The following HEATR4 variants were observed in gnomAD, a reference collection of about 807,000 sequenced individuals.
HEATR4 encodes HEAT repeat containing 4.
A neutral mutation model predicts 108.8 loss-of-function variants in HEATR4; 95 were observed. The ratio of observed to expected loss-of-function variants is 0.87; its 90% CI spans 0.74 to 1.04. The LOEUF (loss-of-function observed/expected upper bound fraction) is 1.04. Among genes scored for constraint, HEATR4 ranks in the 50% least tolerant of loss-of-function variants. The pLI is 0.00. For missense variants in HEATR4, 1,152 were observed against 1,253.8 expected (o/e 0.92, Z 1.23); for synonymous variants, 443 against 459.4 (o/e 0.96, Z 0.46).
At chr14:73,484,623 T>G (rs142007823) in intron 17 of HEATR4, among the ~76,000 whole-genome samples, 7,756 of 151,206 alleles carry the variant, frequency 0.051, 679 homozygotes, top group African/African-American at 0.18. Context: ...CAAGTGATCC[T>G]CCCGCCTCAG....
the HEATR4 span, among the ~76,000 whole-genome samples, chr14:73,625,447 C>T: frequency 1.4e-4 from 22 of 152,178 alleles, no homozygotes; most frequent in Admixed American, 8.5e-4. Context: ...CAGCAACCTC[C>T]GCCTCCCAGG....
chr14:73,628,519 C>T, the HEATR4 span, among the ~76,000 whole-genome samples: 2,243 of 152,042 alleles, frequency 0.015, 57 homozygotes, highest in African/African-American at 0.051. Context: ...TTTGGGAGGC[C>T]GAGGCGGGCG....
chr14:73,551,649 A>T (rs1889324823), intron 1 of HEATR4, among the ~76,000 whole-genome samples: 1 of 111,900 alleles, frequency 8.9e-6, no homozygotes, highest in African/African-American at 2.9e-5. Flanking sequence ...CTCTACTAAA[A>T]ATACACAAAT....
the HEATR4 span, chr14:73,569,121 G>C: frequency 8.3e-7 from 1 of 1,207,884 alleles, no homozygotes; most frequent in Non-Finnish European, 1.2e-6. Context: ...GAGACTTTAA[G>C]CAAGTTCCAG....
intron 2 of HEATR4, among the ~76,000 whole-genome samples, chr14:73,524,310 A>AAAAAAATATAT: frequency 5.3e-4 from 29 of 54,772 alleles, no homozygotes; most frequent in Non-Finnish European, 6.2e-4. Flanking sequence ...AAAAAAAAAA[A>AAAAAAATATAT]ATATATATAT....
the HEATR4 span, among the ~76,000 whole-genome samples, chr14:73,573,099 G>A: frequency 6.6e-6 from 1 of 151,804 alleles, no homozygotes; most frequent in South Asian, 2.1e-4. Context: ...AGGAATTTGT[G>A]CTCTTCTATG....
the HEATR4 span, among the ~76,000 whole-genome samples, chr14:73,589,882 C>A: frequency 6.6e-6 from 1 of 152,096 alleles, no homozygotes; most frequent in South Asian, 2.1e-4. Context: ...AGTGAAGCTG[C>A]AAACCTTTGC....
Position 73,494,257 on chromosome 14 carries a change from G to T in HEATR4, c.2785+971C>A, listed in dbSNP as rs554079885. On this transcript the variant is annotated intron_variant, in intron 16 of 17. Coordinates refer to ENST00000553558, the MANE Select transcript of HEATR4 (RefSeq NM_001220484.1). Reference sequence around the variant, plus strand: ...CTGGACTTGGAACCAGAAGACCTGGGTTTGGGGTGGTAGCTGGTAGGCAGC... The same window carrying T: ...CTGGACTTGGAACCAGAAGACCTGGTTTTGGGGTGGTAGCTGGTAGGCAGC... 3.9e-5 allele frequency among the ~76,000 whole-genome samples: 6 copies of T among 152,324 alleles called. No homozygotes were observed. The South Asian group carries it at 1.2e-3, about 32-fold the overall frequency.
rs1404295816 is a variant in HEATR4, at chr14:73,550,153, G to C, written c.-152+8598C>G. On this transcript the variant is annotated intron_variant, in intron 1 of 17. Coordinates refer to ENST00000553558, the MANE Select transcript of HEATR4 (RefSeq NM_001220484.1). ...CTTCACTGCTCATAGATAACAACTG[G>C]AACATTATAAAACATTAACTTTTCC... is the stretch of plus-strand genomic sequence containing the variant. Among the ~76,000 whole-genome samples the C allele has an allele frequency of 1.8e-5, 2 of 113,178 alleles. 1 individual carries two copies. Among genetic ancestry groups the C allele is most frequent in the African/African-American group, 5.9e-5 (2 of 34,172 alleles). 74.2% of individuals were successfully genotyped at this position (113,178 alleles called of 152,430 possible). A position where few individuals can be genotyped will look rare whatever the true frequency, so the allele number is the denominator to read the frequency against.
the HEATR4 span, among the ~76,000 whole-genome samples, chr14:73,576,115 G>A: frequency 6.6e-6 from 1 of 151,870 alleles, no homozygotes; most frequent in Non-Finnish European, 1.5e-5. Flanking sequence ...GTTGCAGTGA[G>A]AAAAGATTGT....
At chr14:73,612,391 C>CTGG in the HEATR4 span, 1 of 428,678 alleles carries the variant, frequency 2.3e-6, no homozygotes, top group Non-Finnish European at 4.0e-6. Context: ...ATTTGGGACA[C>CTGG]TGGTGTATTT....
rs1285550426 is a variant in HEATR4, at chr14:73,492,368, C to T, written c.2844+698G>A. ...TGCAATGGAAGAAAATGTGGAGTTT[C>T]GGAGGGGTCTGCCCCGAGACTTCAT... On this transcript the variant is annotated intron_variant, in intron 17 of 17. Transcript: ENST00000553558. This position sits in a 1 kb window ranked among gnomAD's most constrained non-coding sequence, Gnocchi z 4.9. 1 of 1,613,690 alleles carries T rather than the reference C, an allele frequency of 6.2e-7. No homozygotes were observed. The highest frequency in any genetic ancestry group is 8.5e-7 in the Non-Finnish European group (1 of 1,179,782).
the HEATR4 span, chr14:73,580,986 G>A: frequency 6.6e-6 from 1 of 151,986 alleles, no homozygotes; most frequent in Admixed American, 6.6e-5. Context: ...TCCCACCTTG[G>A]CCTCTCAAAG....
At chr14:73,607,128 G>A in the HEATR4 span, among the ~76,000 whole-genome samples, 1 of 152,102 alleles carries the variant, frequency 6.6e-6, no homozygotes, top group African/African-American at 2.4e-5. Flanking sequence ...TGGCCAACAT[G>A]GTGAAACCCT....
chr14:73,603,121 T>C, the HEATR4 span, among the ~76,000 whole-genome samples: 2 of 152,248 alleles, frequency 1.3e-5, no homozygotes, highest in Non-Finnish European at 1.5e-5. Context: ...ATTTTAATTA[T>C]GTACTAGGTA....
chr14:73,523,471 C>G (rs781455414), intron 2 of HEATR4, among the ~76,000 whole-genome samples: 3 of 152,230 alleles, frequency 2.0e-5, no homozygotes, highest in Non-Finnish European at 2.9e-5. Flanking sequence ...GGGATGACTG[C>G]TTTTCAGCAG....
chr14:73,625,249 G>T, the HEATR4 span, among the ~76,000 whole-genome samples: 1 of 151,854 alleles, frequency 6.6e-6, no homozygotes, highest in East Asian at 1.9e-4. Context: ...TAGTAGAGAC[G>T]GAGTTTCACC....
the HEATR4 span, among the ~76,000 whole-genome samples, chr14:73,629,056 CAAAA>C: frequency 7.3e-6 from 1 of 136,802 alleles, no homozygotes. Context: ...AGTATGTTCC[CAAAA>C]AAAAAAAAAG....
chr14:73,615,479 C>T, the HEATR4 span, among the ~76,000 whole-genome samples: 1 of 150,756 alleles, frequency 6.6e-6, no homozygotes, highest in Non-Finnish European at 1.5e-5. Context: ...GCCTGTAATC[C>T]CAACACTTCG....
Sources: gnomAD v4.1 joint callset for allele counts (sites outside exome capture counted in the v4.1 genomes callset) on GRCh38, gnomAD v4.1.1 for gene constraint, Gnocchi (gnomAD v3.1) non-coding constraint, MANE v1.5 for transcripts, NCBI Gene and HGNC (gene_info 2026-07-23, HGNC 2026-07-21) for gene names.